GALNT13: variants seen among roughly 807,000 people sequenced by gnomAD.
GALNT13 encodes UDP-GalNAc:polypeptide N-acetylgalactosaminyltransferase 13.
GALNT13 carries 28 observed loss-of-function variants against 64.2 expected under a neutral mutation model. That is an observed-to-expected ratio of 0.44 (90% CI 0.32 to 0.60). GALNT13 has a LOEUF of 0.60. Among genes scored for constraint, GALNT13 ranks in the 20% least tolerant of loss-of-function variants. The pLI is 0.05. For synonymous variants in GALNT13, 214 were observed against 224.6 expected (o/e 0.95, Z 0.42); for missense variants, 577 against 669.8 (o/e 0.86, Z 1.53).
the GALNT13 span, among the ~76,000 whole-genome samples, chr2:153,404,774 A>G: frequency 1.3e-5 from 2 of 152,246 alleles, no homozygotes; most frequent in Admixed American, 1.3e-4. Context: ...GCATATTTGA[A>G]AGTAAATTCA....
intron 3 of GALNT13, 39 bp from the exon 4 acceptor site, chr2:154,140,298 G>GTGTT: frequency 1.3e-6 from 2 of 1,482,916 alleles, no homozygotes; most frequent in East Asian, 4.5e-5. Flanking sequence ...CATTATCTGT[G>GTGTT]TGTTTGTATG....
At chr2:154,155,186 C>G (rs1684335086) in intron 4 of GALNT13, among the ~76,000 whole-genome samples, 1 of 152,016 alleles carries the variant, frequency 6.6e-6, no homozygotes, top group South Asian at 2.1e-4. Flanking sequence ...AATTAATATT[C>G]TCACTTCTAT....
the GALNT13 span, among the ~76,000 whole-genome samples, chr2:153,552,744 T>A: frequency 3.6e-3 from 552 of 152,266 alleles, 7 homozygotes; most frequent in African/African-American, 0.013. Flanking sequence ...ACCAGTTTCA[T>A]GGAAGACAAG....
At chr2:153,716,825 C>T in the GALNT13 span, among the ~76,000 whole-genome samples, 2 of 152,156 alleles carry the variant, frequency 1.3e-5, no homozygotes, top group African/African-American at 4.8e-5. Context: ...AACAGCTTTA[C>T]ACTTTTTGGT....
At chr2:153,765,772 G>A in the GALNT13 span, among the ~76,000 whole-genome samples, 1 of 152,064 alleles carries the variant, frequency 6.6e-6, no homozygotes, top group Non-Finnish European at 1.5e-5. Context: ...TCATGTCCAG[G>A]GTGGGGCCAA....
intron 3 of GALNT13, among the ~76,000 whole-genome samples, chr2:154,075,359 CTT>C (rs1700933192): frequency 6.6e-6 from 1 of 151,692 alleles, no homozygotes; most frequent in Admixed American, 6.6e-5. Flanking sequence ...TTCTTTTCCT[CTT>C]TAGGTTTCGA....
chr2:153,199,387 G>T, the GALNT13 span, among the ~76,000 whole-genome samples: 1 of 152,174 alleles, frequency 6.6e-6, no homozygotes, highest in Non-Finnish European at 1.5e-5. Flanking sequence ...TCTGACTAGT[G>T]CTGTACCTCT....
the GALNT13 span, among the ~76,000 whole-genome samples, chr2:153,660,905 G>A: frequency 1.3e-5 from 2 of 152,130 alleles, no homozygotes; most frequent in South Asian, 2.1e-4. Flanking sequence ...ATAGCAATGG[G>A]ATGGGACAGC....
intron 3 of GALNT13, among the ~76,000 whole-genome samples, chr2:154,111,868 A>T (rs141312669): frequency 6.6e-6 from 1 of 152,182 alleles, no homozygotes; most frequent in South Asian, 2.1e-4. Flanking sequence ...CTTCAGGATG[A>T]TGGGAAACAT....
At chr2:154,329,701 T>A (rs769861861) in intron 9 of GALNT13, among the ~76,000 whole-genome samples, 2 of 151,974 alleles carry the variant, frequency 1.3e-5, no homozygotes, top group Non-Finnish European at 2.9e-5. Context: ...TGGGGGTGTA[T>A]CCCTCATGAA....
At chr2:153,138,655 A>G in the GALNT13 span, among the ~76,000 whole-genome samples, 2 of 152,126 alleles carry the variant, frequency 1.3e-5, no homozygotes, top group East Asian at 1.9e-4. Context: ...AAAAATAGTT[A>G]GCATCATCTA....
chr2:154,307,980 G>T (rs1327752882), intron 9 of GALNT13, among the ~76,000 whole-genome samples: 1 of 152,144 alleles, frequency 6.6e-6, no homozygotes, highest in Non-Finnish European at 1.5e-5. Context: ...CTTTTGAGGG[G>T]AAGGTAGATC....
At chr2:153,086,843 A>C in the GALNT13 span, among the ~76,000 whole-genome samples, 1 of 151,988 alleles carries the variant, frequency 6.6e-6, no homozygotes, top group Admixed American at 6.6e-5. Context: ...GTATCCTGAA[A>C]GTTTATAGAA....
intron 3 of GALNT13, among the ~76,000 whole-genome samples, chr2:153,965,051 G>C (rs13409967): frequency 1.3e-5 from 2 of 151,820 alleles, no homozygotes; most frequent in African/African-American, 4.8e-5. Context: ...TAATGGAAAG[G>C]ATGTTTCAAT....
chr2:153,304,249 C>T, the GALNT13 span, among the ~76,000 whole-genome samples: 197 of 151,712 alleles, frequency 1.3e-3, 6 homozygotes, highest in East Asian at 0.036. Flanking sequence ...TTCAAAAATG[C>T]CTAAGTCAGC....
chr2:153,940,682 T>G (rs888492667), intron 2 of GALNT13, among the ~76,000 whole-genome samples: 2 of 152,298 alleles, frequency 1.3e-5, no homozygotes. Context: ...GCAAAATTAT[T>G]TGGTCATTAG....
intron 3 of GALNT13, among the ~76,000 whole-genome samples, chr2:153,997,743 A>G (rs973637195): frequency 6.6e-6 from 1 of 152,098 alleles, no homozygotes; most frequent in Non-Finnish European, 1.5e-5. Flanking sequence ...TGCTGCACCC[A>G]TCAACCTGTC....
chr2:153,577,274 A>G, the GALNT13 span, among the ~76,000 whole-genome samples: 2 of 152,100 alleles, frequency 1.3e-5, no homozygotes, highest in South Asian at 4.1e-4. Flanking sequence ...TTAGATTGCA[A>G]TTTTTAAAAC....
chr2:153,097,612 A>G, the GALNT13 span, among the ~76,000 whole-genome samples: 2 of 152,144 alleles, frequency 1.3e-5, no homozygotes, highest in Admixed American at 6.6e-5. Flanking sequence ...AGTAAGTTTG[A>G]TCTCTTTTGT....
Sources: allele counts gnomAD v4.1 joint callset (sites outside exome capture counted in the v4.1 genomes callset), GRCh38; gene constraint gnomAD v4.1.1; transcripts MANE v1.5; gene names NCBI Gene and HGNC (gene_info 2026-07-23, HGNC 2026-07-21).